SREBF1: variants seen among roughly 807,000 people sequenced by gnomAD.
SREBF1 encodes the protein sterol regulatory element-binding protein 1.
A neutral mutation model predicts 100.1 loss-of-function variants in SREBF1; 45 were observed. The ratio of observed to expected loss-of-function variants is 0.45; its 90% confidence interval spans 0.35 to 0.58. SREBF1 has a LOEUF of 0.58. Among genes scored for constraint, SREBF1 ranks in the 20% least tolerant of loss-of-function variants. The pLI, the probability that SREBF1 is intolerant of heterozygous loss-of-function variation, is 0.00. For synonymous variants in SREBF1, 657 were observed against 681.8 expected (o/e 0.96, Z 0.57); for missense variants, 1,324 against 1,539.4 (o/e 0.86, Z 2.34).
chr17:17,816,464 G>A lies in SREBF1; in HGVS notation c.2040C>T (p.His680=), dbSNP rs771347177. The change falls in exon 10 of 19, where the codon CAC becomes CAT. Residue 680 remains histidine (H), a synonymous_variant. Transcript: ENST00000261646. ...CCCCACGCTCAGTCCTACCCATGGT[G>A]TGCAGCTGGTGCAGCTTATGGTAGA... ...ALVYHKLHQL[H]TMGKHTGGHL... is the part of the protein sequence containing the mutation. 47 of 1,605,564 alleles carry A rather than the reference G, an allele frequency of 2.9e-5. No individual in the cohort carries two copies. In the East Asian group the frequency reaches 3.8e-4, roughly 13 times the overall value.
chr17:17,818,692 C>A (rs900974857), intron 5 of SREBF1: 5 of 548,854 alleles, frequency 9.1e-6, no homozygotes, highest in Non-Finnish European at 9.9e-6. Flanking sequence ...CTGCAACGAG[C>A]CAAACGTGGT....
chr17:17,822,290 ACCAAGGCTTAGGGCCAAGCCAGCTGCTGG>A (rs1176248818), intron 1 of SREBF1, among the ~76,000 whole-genome samples: 2 of 152,222 alleles, frequency 1.3e-5, no homozygotes, highest in African/African-American at 4.8e-5. Context: ...AGTGGAACAG[ACCAAGGCTTAGGGCCAAGCCAGCTGCTGG>A]CCACATGGCC....
rs555008193 is a variant in SREBF1, at chr17:17,817,680, C to T, written c.1404+16G>A. The T allele has an allele frequency of 2.1e-5, 34 of 1,612,508 alleles. No individual in the cohort carries two copies. The highest frequency in any genetic ancestry group is 2.6e-5 in the Non-Finnish European group (31 of 1,179,702). ...TGGCTGGGAGTGGGGAAGGGGGCAC[C>T]GTGGCAGGGCCCAACCTTGCTGTCC... is the stretch of plus-strand genomic sequence containing the variant. On this transcript the variant is annotated intron_variant, in intron 7 of 18. Coordinates refer to ENST00000261646, the MANE Select transcript of SREBF1 (RefSeq NM_004176.5). This position sits in a 1 kb window ranked among gnomAD's most constrained non-coding sequence, Gnocchi z 6.6.
Position 17,814,882 on chromosome 17 carries a change from GC to G in SREBF1, c.2554del (p.Ala852LeufsTer18). 6.3e-7 allele frequency: 1 copy of G among 1,586,712 alleles called. No individual in the cohort carries two copies. Among genetic ancestry groups the G allele is most frequent in the Admixed American group, 1.8e-5 (1 of 54,874 alleles). ...ACTGATGGAGAAGCTGTAGGCAGGAGCCCCCGCAGCATCAGAACAGCTGTTC... is the reference window on the plus strand; with the variant it reads ...ACTGATGGAGAAGCTGTAGGCAGGAGCCCCGCAGCATCAGAACAGCTGTTC... ...LLNSCSDAAG[A>X]PAYSFSISSS... On this transcript the variant is annotated frameshift_variant, in exon 14 of 19. Transcript: ENST00000261646. LOFTEE classifies it high-confidence loss of function.
chr17:17,819,751 A>G, intron 2 of SREBF1, 26 bp from the exon 3 acceptor site: 2 of 1,570,264 alleles, frequency 1.3e-6, no homozygotes, highest in Non-Finnish European at 1.7e-6. Context: ...ATGGGGCTGC[A>G]GACACAGACC....
Position 17,812,437 on chromosome 17 carries a change from G to T in SREBF1, c.*185C>A. ...AGAGGTCAGCACCATCATGGCCGCC[G>T]GTCTTAGGGTCAAGATCGCGCCCCT... On this transcript the variant is annotated 3_prime_UTR_variant, in exon 19 of 19. Coordinates refer to ENST00000261646, the MANE Select transcript of SREBF1 (RefSeq NM_004176.5). 1 of 666,002 alleles carries T rather than the reference G, an allele frequency of 1.5e-6. No individual in the cohort carries two copies. The highest frequency in any genetic ancestry group is 2.5e-6 in the Non-Finnish European group (1 of 396,660). 41.3% of individuals were successfully genotyped at this position (666,002 alleles called of 1,614,324 possible).
At position 17,814,351 on chromosome 17, in the gene SREBF1, C is replaced by G; in HGVS notation, c.2795G>C (p.Cys932Ser). The G allele has an allele frequency of 6.3e-7, 1 of 1,578,838 alleles. No homozygotes were observed. The highest frequency in any genetic ancestry group is 8.6e-7 in the Non-Finnish European group (1 of 1,162,150). Residue 932 changes from cysteine (C) to serine (S), a missense_variant, in exon 16 of 19, where the codon TGT (cysteine) becomes TCT (serine). Cys to Ser is a moderately radical substitution (Grantham distance 112). Transcript: ENST00000261646. Reference protein sequence around the residue: ...SFKAARALLGCAKAESGPASL... With the variant: ...SFKAARALLGSAKAESGPASL... ...GGCTGGACCAGACTCTGCCTTGGCA[C>G]AGCCCAGCAGGGCCCGGGCAGCCTT...
intron 1 of SREBF1, among the ~76,000 whole-genome samples, chr17:17,828,480 G>A (rs2034627352): frequency 6.6e-6 from 1 of 152,206 alleles, no homozygotes; most frequent in Non-Finnish European, 1.5e-5. Context: ...TGTGATGCTG[G>A]TCGGCACCAA....
At chr17:17,830,889 T>C (rs1393471676) in intron 1 of SREBF1, among the ~76,000 whole-genome samples, 1 of 152,220 alleles carries the variant, frequency 6.6e-6, no homozygotes, top group Non-Finnish European at 1.5e-5. Flanking sequence ...TCAAAAGGCA[T>C]GTCCACATGG....
chr17:17,833,713 T>C (rs2035049060), intron 1 of SREBF1, among the ~76,000 whole-genome samples: 1 of 152,066 alleles, frequency 6.6e-6, no homozygotes. Flanking sequence ...CCGGGCATGG[T>C]GGTTCATGCC....
At chr17:17,833,950 A>C (rs1310579096) in intron 1 of SREBF1, among the ~76,000 whole-genome samples, 2 of 152,122 alleles carry the variant, frequency 1.3e-5, no homozygotes, top group Non-Finnish European at 2.9e-5. Flanking sequence ...CAGCATGGGC[A>C]AAAGAGCGAG....
rs78663745 is a variant in SREBF1 at position 17,827,524 on chromosome 17, G to A, written c.92-7003C>T. Among the ~76,000 whole-genome samples, 1,020 of 152,264 alleles carry A rather than the reference G, an allele frequency of 6.7e-3. 7 individuals are homozygous for A. The highest frequency in any genetic ancestry group is 0.043 in the East Asian group (220 of 5,166). ...CTCCTAACTGGAGTCGGCGGTCCTC[G>A]TGTTCTCAGCTGGTCGTGTATCCAG... On this transcript the variant is annotated intron_variant, in intron 1 of 18. Coordinates refer to ENST00000261646, the MANE Select transcript of SREBF1 (RefSeq NM_004176.5).
At chr17:17,834,073 C>T (rs2035080128) in intron 1 of SREBF1, among the ~76,000 whole-genome samples, 1 of 150,298 alleles carries the variant, frequency 6.7e-6, no homozygotes, top group African/African-American at 2.5e-5. Context: ...ACATAATTAG[C>T]AGGGCTTATC....
At chr17:17,832,281 A>G (rs1889016) in intron 1 of SREBF1, among the ~76,000 whole-genome samples, 11 of 152,162 alleles carry the variant, frequency 7.2e-5, no homozygotes, top group Non-Finnish European at 1.6e-4. Context: ...TTATCAACAC[A>G]CTGTCTGAAA....
chr17:17,815,936 G>A lies in SREBF1; in HGVS notation c.2307C>T (p.His769=). The A allele has an allele frequency of 6.2e-7, 1 of 1,612,908 alleles. No homozygotes were observed. Among genetic ancestry groups the A allele is most frequent in the Non-Finnish European group, 8.5e-7 (1 of 1,179,910 alleles). ...ACCAGTCCCCATCCACGAAGAAACG[G>A]TGGCCCACGGGGTGGCAGAGCCACT... The part of the protein sequence containing the change: ...AMQWLCHPVG[H]RFFVDGDWSV... The change falls in exon 12 of 19, where the codon CAC becomes CAT. Residue 769 remains histidine (H), a synonymous_variant. Transcript: ENST00000261646.
At chr17:17,829,070 A>G (rs2034667107) in intron 1 of SREBF1, among the ~76,000 whole-genome samples, 1 of 151,304 alleles carries the variant, frequency 6.6e-6, no homozygotes, top group African/African-American at 2.4e-5. Flanking sequence ...GTATGTGCCT[A>G]TAGTCCCAGC....
At chr17:17,814,583 G>A in intron 15 of SREBF1, 32 bp downstream of exon 15, 1 of 1,537,186 alleles carries the variant, frequency 6.5e-7, no homozygotes, top group Non-Finnish European at 8.7e-7. Flanking sequence ...CTGAGCCCGG[G>A]ACCAGGCAGG....
At chr17:17,825,521 C>A (rs2034432957) in intron 1 of SREBF1, among the ~76,000 whole-genome samples, 1 of 151,946 alleles carries the variant, frequency 6.6e-6, no homozygotes, top group Admixed American at 6.5e-5. Context: ...CTGGGTGCCA[C>A]TGGCCATGGC....
Position 17,816,228 on chromosome 17 carries a change from T to C in SREBF1, c.2193A>G (p.Pro731=). 1 of 955,676 alleles carries C rather than the reference T, an allele frequency of 1.0e-6. No homozygotes were observed. The highest frequency in any genetic ancestry group is 1.3e-6 in the Non-Finnish European group (1 of 784,472). The allele number at this position is 955,676 out of a possible 1,614,324, so 59.2% of individuals were successfully genotyped here. The change falls in exon 11 of 19, where the codon CCA becomes CCG. Residue 731 remains proline (P), a synonymous_variant. Coordinates refer to ENST00000261646, the MANE Select transcript of SREBF1 (RefSeq NM_004176.5). ...AAALRVKTSL[P]RALHFLTRFF... is the part of the protein sequence containing the mutation. ...TCACTGTCAGAAAATGCAAGGCCCGTGGGAGACTGGTCTTCACTCTCAATG... is the reference window on the plus strand; with the variant it reads ...TCACTGTCAGAAAATGCAAGGCCCGCGGGAGACTGGTCTTCACTCTCAATG...
Sources: gnomAD v4.1 joint callset for allele counts (sites outside exome capture counted in the v4.1 genomes callset) on GRCh38, gnomAD v4.1.1 for gene constraint, Gnocchi (gnomAD v3.1) non-coding constraint, MANE v1.5 for transcripts, NCBI Gene and HGNC (gene_info 2026-07-23, HGNC 2026-07-21) for gene names.